The following C13orf42 variants were observed in gnomAD, a reference collection of about 807,000 sequenced individuals.
The protein encoded by C13orf42 is uncharacterized protein C13orf42.
intron 1 of C13orf42, among the ~76,000 whole-genome samples, chr13:51,158,551 G>T (rs1452024875): frequency 6.6e-6 from 1 of 152,230 alleles, no homozygotes; most frequent in Admixed American, 6.5e-5. Flanking sequence ...CCCAGCAGAA[G>T]TGACACCCAC....
chr13:51,085,646 C>T (rs1953114825), intron 2 of C13orf42, 87 bp from the exon 3 acceptor site: 2 of 397,630 alleles, frequency 5.0e-6, no homozygotes, highest in Non-Finnish European at 8.9e-6. Flanking sequence ...TTGGACTGAA[C>T]ACTCACAGGA....
upstream of C13orf42, among the ~76,000 whole-genome samples, chr13:51,114,631 GAT>G (rs1491434346): frequency 5.1e-4 from 51 of 99,182 alleles, 1 homozygote; most frequent in African/African-American, 1.7e-3. Flanking sequence ...TAGATAGATA[GAT>G]AGATAGATAG....
At chr13:51,125,243 A>G (rs1409478818) in intron 1 of C13orf42, among the ~76,000 whole-genome samples, 2 of 152,222 alleles carry the variant, frequency 1.3e-5, no homozygotes, top group East Asian at 1.9e-4. Flanking sequence ...AAGATTGGCA[A>G]ACGTGTCTAT....
At chr13:51,169,896 C>T (rs886276085) in intron 1 of C13orf42, among the ~76,000 whole-genome samples, 9 of 152,198 alleles carry the variant, frequency 5.9e-5, no homozygotes, top group Non-Finnish European at 2.9e-5. Flanking sequence ...GCCAAGCCAT[C>T]GCATCCCCTG....
intron 1 of C13orf42, among the ~76,000 whole-genome samples, chr13:51,156,968 G>A (rs1340572635): frequency 1.3e-5 from 2 of 152,238 alleles, no homozygotes. Context: ...AACAGCACTA[G>A]TGGTGCTTTT....
chr13:51,149,532 G>A (rs2138037141), intron 1 of C13orf42, among the ~76,000 whole-genome samples: 1 of 152,142 alleles, frequency 6.6e-6, no homozygotes, highest in South Asian at 2.1e-4. Flanking sequence ...ATTGACCCTG[G>A]ACATTCAAGC....
At chr13:51,098,488 C>T (rs576294099) in intron 1 of C13orf42, among the ~76,000 whole-genome samples, 6 of 152,200 alleles carry the variant, frequency 3.9e-5, no homozygotes, top group African/African-American at 1.2e-4. Flanking sequence ...CTTTTCTATG[C>T]TCATTTTCTA....
chr13:51,107,095 T>C (rs969331810), intron 1 of C13orf42, among the ~76,000 whole-genome samples: 1 of 152,208 alleles, frequency 6.6e-6, no homozygotes, highest in South Asian at 2.1e-4. Flanking sequence ...GCTTCTAGTG[T>C]GTCCTGACTT....
At chr13:51,087,769 G>T (rs1256209230) in intron 2 of C13orf42, among the ~76,000 whole-genome samples, 159 bp downstream of exon 2, 1 of 152,196 alleles carries the variant, frequency 6.6e-6, no homozygotes, top group African/African-American at 2.4e-5. Context: ...TCAGGGCCAG[G>T]CTCCAGCTTG....
Position 51,142,575 on chromosome 13 carries a change from T to C in C13orf42, n.137-29353A>G, listed in dbSNP as rs1953703203. On this transcript the variant is annotated intron_variant and non_coding_transcript_variant, in intron 1 of 4. Transcript: ENST00000433280. ...TGGGTGTTTTCCAATAAATATATAT[T>C]GTGGGAAAACATTTCTGCTTAAAAA... Among the ~76,000 whole-genome samples, 3 of 150,042 alleles carry C rather than the reference T, an allele frequency of 2.0e-5. No individual in the cohort carries two copies. In the South Asian group the frequency reaches 6.3e-4, roughly 31 times the overall value.
chr13:51,127,946 T>C (rs1953589121), intron 1 of C13orf42, among the ~76,000 whole-genome samples: 2 of 152,130 alleles, frequency 1.3e-5, no homozygotes, highest in South Asian at 4.1e-4. Flanking sequence ...CGGCACAAGA[T>C]ACAGGTCATA....
At chr13:51,134,516 T>C (rs1953642499) in intron 1 of C13orf42, among the ~76,000 whole-genome samples, 1 of 152,184 alleles carries the variant, frequency 6.6e-6, no homozygotes, top group African/African-American at 2.4e-5. Context: ...TTTATGATGG[T>C]TAATAGGCAA....
At chr13:51,163,281 T>C (rs975741399) in intron 1 of C13orf42, among the ~76,000 whole-genome samples, 3 of 152,188 alleles carry the variant, frequency 2.0e-5, no homozygotes, top group Admixed American at 6.5e-5. Flanking sequence ...TTTAATTTTA[T>C]ATTTTACTTT....
intron 1 of C13orf42, among the ~76,000 whole-genome samples, chr13:51,164,039 G>C (rs1233039184): frequency 6.6e-6 from 1 of 152,168 alleles, no homozygotes. Context: ...GCAAAGAGTT[G>C]TAAGCCAATA....
At chr13:51,103,808 A>T (rs540177335) in intron 1 of C13orf42, among the ~76,000 whole-genome samples, 76 of 152,340 alleles carry the variant, frequency 5.0e-4, no homozygotes, top group African/African-American at 1.6e-3. Flanking sequence ...ATATGATTCC[A>T]CTTATGTCAG....
intron 1 of C13orf42, among the ~76,000 whole-genome samples, chr13:51,103,274 G>A (rs976015568): frequency 1.3e-5 from 2 of 152,098 alleles, no homozygotes; most frequent in African/African-American, 4.8e-5. Flanking sequence ...TGTTTCTCTG[G>A]CCCTAAAAGT....
At chr13:51,160,074 C>A (rs1249413689) in intron 1 of C13orf42, among the ~76,000 whole-genome samples, 1 of 152,196 alleles carries the variant, frequency 6.6e-6, no homozygotes, top group African/African-American at 2.4e-5. Flanking sequence ...CAATTACCTC[C>A]CCCTGGGTCC....
chr13:51,105,695 A>G (rs1363517381), intron 1 of C13orf42, among the ~76,000 whole-genome samples: 4 of 152,150 alleles, frequency 2.6e-5, no homozygotes, highest in African/African-American at 9.7e-5. Context: ...TGATCTGCAT[A>G]TTATTTTGAG....
At chr13:51,100,092 C>T (rs17075316) in intron 1 of C13orf42, among the ~76,000 whole-genome samples, 5,749 of 151,522 alleles carry the variant, frequency 0.038, 336 homozygotes, top group African/African-American at 0.13. Flanking sequence ...CTTTGCTATT[C>T]GGGAAAATTC....
Sources: gnomAD v4.1 joint callset for allele counts (sites outside exome capture counted in the v4.1 genomes callset) on GRCh38, gnomAD v4.1.1 for gene constraint, MANE v1.5 for transcripts, NCBI Gene and HGNC (gene_info 2026-07-23, HGNC 2026-07-21) for gene names.